MLLT3: variants seen among roughly 807,000 people sequenced by gnomAD.
The protein encoded by MLLT3 is protein AF-9.
Under a neutral mutation model 53.2 loss-of-function variants are expected in MLLT3, and 4 were observed. That is an observed-to-expected ratio of 0.08 (90% CI 0.04 to 0.17). The LOEUF is 0.17. Among genes scored for constraint, MLLT3 ranks in the 10% least tolerant of loss-of-function variants. The pLI is 1.00. For missense variants in MLLT3, 569 were observed against 684.0 expected (o/e 0.83, Z 1.87); for synonymous variants, 283 against 230.6 (o/e 1.23, Z -2.06).
intron 2 of MLLT3, among the ~76,000 whole-genome samples, chr9:20,540,719 C>G (rs1388895825): frequency 6.6e-6 from 1 of 152,210 alleles, no homozygotes; most frequent in Non-Finnish European, 1.5e-5. Context: ...CTGTGAAGGT[C>G]TCTGATATAA....
At chr9:20,481,166 T>G (rs1168283188) in intron 2 of MLLT3, among the ~76,000 whole-genome samples, 1 of 152,204 alleles carries the variant, frequency 6.6e-6, no homozygotes, top group Non-Finnish European at 1.5e-5. Context: ...AAGCCAAGTT[T>G]TCCCTGATGA....
chr9:20,505,283 C>A (rs1176817440), intron 2 of MLLT3, among the ~76,000 whole-genome samples: 1 of 152,160 alleles, frequency 6.6e-6, no homozygotes, highest in African/African-American at 2.4e-5. Flanking sequence ...AAACATCATC[C>A]ATAAATGGCA....
chr9:20,358,681 A>C (rs1821235956), intron 8 of MLLT3, among the ~76,000 whole-genome samples: 1 of 152,108 alleles, frequency 6.6e-6, no homozygotes, highest in South Asian at 2.1e-4. Context: ...TGCATTCCCT[A>C]GCAAGCCCAC....
intron 5 of MLLT3, among the ~76,000 whole-genome samples, chr9:20,371,153 G>C (rs1474063584): frequency 3.3e-5 from 5 of 152,184 alleles, no homozygotes; most frequent in Non-Finnish European, 7.3e-5. Flanking sequence ...CAGACAAAAA[G>C]TTTGATGCTA....
intron 2 of MLLT3, among the ~76,000 whole-genome samples, chr9:20,547,469 C>T (rs1818816955): frequency 6.6e-6 from 1 of 151,112 alleles, no homozygotes. Flanking sequence ...CATGATGAAA[C>T]CCCGTCTCTA....
At chr9:20,591,366 G>A (rs1820125916) in intron 2 of MLLT3, among the ~76,000 whole-genome samples, 1 of 152,142 alleles carries the variant, frequency 6.6e-6, no homozygotes, top group African/African-American at 2.4e-5. Flanking sequence ...CAGATAGTGT[G>A]GAGGAAGCAT....
chr9:20,561,488 C>CTGG (rs915919271), intron 2 of MLLT3, among the ~76,000 whole-genome samples: 4 of 152,150 alleles, frequency 2.6e-5, no homozygotes, highest in African/African-American at 9.7e-5. Flanking sequence ...CTAATGATTG[C>CTGG]TGGTTTTAAT....
chr9:20,346,747 C>A (rs981734188), intron 10 of MLLT3, among the ~76,000 whole-genome samples, 173 bp from the exon 11 acceptor site: 1 of 152,058 alleles, frequency 6.6e-6, no homozygotes, highest in Non-Finnish European at 1.5e-5. Flanking sequence ...CTTGATAAGT[C>A]AAAGGTATAT....
At chr9:20,524,272 C>T (rs372072245) in intron 2 of MLLT3, among the ~76,000 whole-genome samples, 3 of 151,884 alleles carry the variant, frequency 2.0e-5, no homozygotes, top group African/African-American at 7.2e-5. Flanking sequence ...TTGCTGTAAA[C>T]CTAAAATTCC....
chr9:20,582,640 G>A (rs1026784476), intron 2 of MLLT3, among the ~76,000 whole-genome samples: 17 of 152,096 alleles, frequency 1.1e-4, no homozygotes, highest in Non-Finnish European at 1.6e-4. Context: ...TGGCTGCGGA[G>A]GCCTCAGAAT....
intron 2 of MLLT3, among the ~76,000 whole-genome samples, chr9:20,577,458 C>T (rs1383767824): frequency 6.6e-6 from 1 of 152,190 alleles, no homozygotes; most frequent in East Asian, 1.9e-4. Flanking sequence ...TTTCATTTCA[C>T]AGCGCCTGTT....
chr9:20,512,937 C>T (rs917425033), intron 2 of MLLT3, among the ~76,000 whole-genome samples: 64 of 152,200 alleles, frequency 4.2e-4, no homozygotes, highest in African/African-American at 1.4e-3. Context: ...ACATACTCCA[C>T]GGTATAGGAC....
chr9:20,446,460 T>A (rs927294638), intron 4 of MLLT3, among the ~76,000 whole-genome samples: 1 of 152,194 alleles, frequency 6.6e-6, no homozygotes, highest in Non-Finnish European at 1.5e-5. Context: ...CTCTTCCAGC[T>A]CACAGGCAAC....
intron 4 of MLLT3, among the ~76,000 whole-genome samples, chr9:20,443,395 C>T (rs1823602810): frequency 6.6e-6 from 1 of 152,132 alleles, no homozygotes; most frequent in Non-Finnish European, 1.5e-5. Context: ...AGCCTTTAAT[C>T]CGCTAAAAAT....
chr9:20,588,970 C>G (rs1444624716), intron 2 of MLLT3, among the ~76,000 whole-genome samples: 1 of 151,096 alleles, frequency 6.6e-6, no homozygotes, highest in Non-Finnish European at 1.5e-5. Flanking sequence ...AATAGGAACA[C>G]TTTTACACTG....
At chr9:20,573,810 T>C (rs973200286) in intron 2 of MLLT3, among the ~76,000 whole-genome samples, 25 of 152,216 alleles carry the variant, frequency 1.6e-4, no homozygotes, top group African/African-American at 6.0e-4. Flanking sequence ...ACATAAACCA[T>C]CTATTGCATT....
At chr9:20,559,074 T>C (rs1040918773) in intron 2 of MLLT3, among the ~76,000 whole-genome samples, 1 of 152,204 alleles carries the variant, frequency 6.6e-6, no homozygotes, top group African/African-American at 2.4e-5. Flanking sequence ...AGGAACCCTG[T>C]AGCAGGAAAA....
intron 10 of MLLT3, among the ~76,000 whole-genome samples, chr9:20,350,511 C>T (rs1031492203): frequency 1.3e-4 from 19 of 148,140 alleles, no homozygotes; most frequent in African/African-American, 3.4e-4. Context: ...AGGAGAATGG[C>T]GTGAACCCGG....
chr9:20,485,040 G>C (rs935571901), intron 2 of MLLT3, among the ~76,000 whole-genome samples: 1 of 151,204 alleles, frequency 6.6e-6, no homozygotes, highest in Non-Finnish European at 1.5e-5. Flanking sequence ...CCAGACTGGA[G>C]TGCAGTGGCG....
Sources: allele counts gnomAD v4.1 joint callset (sites outside exome capture counted in the v4.1 genomes callset), GRCh38; gene constraint gnomAD v4.1.1; transcripts MANE v1.5; gene names NCBI Gene and HGNC (gene_info 2026-07-23, HGNC 2026-07-21).